TMEM135: variants seen among roughly 807,000 people sequenced by gnomAD.
TMEM135 encodes the protein transmembrane protein 135.
Under a neutral mutation model 60.3 loss-of-function variants are expected in TMEM135, and 30 were observed. The ratio of observed to expected loss-of-function variants is 0.50; its 90% confidence interval spans 0.37 to 0.68. The LOEUF is 0.68. Among genes scored for constraint, TMEM135 ranks in the 30% least tolerant of loss-of-function variants. TMEM135 has a pLI of 0.00. For missense variants in TMEM135, 468 were observed against 548.8 expected, an observed-to-expected ratio of 0.85 and a Z score of 1.47; for synonymous variants, 190 against 186.7, an observed-to-expected ratio of 1.02 and a Z score of -0.14.
rs138664310 is a variant in TMEM135 at position 87,098,197 on chromosome 11, AAAT to A, written c.396+6808_396+6810del. ...TTGGCGATGACCTTGAGCAGTAGGA[AAAT>A]AATAACTCCTGTAAGCTTAGCGTTC... On this transcript the variant is annotated intron_variant, in intron 4 of 14. Coordinates refer to ENST00000305494, the MANE Select transcript of TMEM135 (RefSeq NM_022918.4). 8.1e-3 allele frequency among the ~76,000 whole-genome samples: 1,239 copies of A among 152,194 alleles called. 20 individuals carry two copies. Among genetic ancestry groups the A allele is most frequent in the African/African-American group, 0.029 (1,187 of 41,510 alleles).
At chr11:87,212,587 C>T (rs569441845) in intron 5 of TMEM135, among the ~76,000 whole-genome samples, 12 of 151,870 alleles carry the variant, frequency 7.9e-5, no homozygotes, top group African/African-American at 1.2e-4. Flanking sequence ...TTTGGGAGGC[C>T]GAGGTGGGTG....
chr11:87,281,326 A>G (rs1460518669), intron 6 of TMEM135, among the ~76,000 whole-genome samples: 1 of 152,194 alleles, frequency 6.6e-6, no homozygotes, highest in Non-Finnish European at 1.5e-5. Context: ...CTTTCAACAT[A>G]TATTTCTTGA....
rs1942854306 is a variant in TMEM135, at chr11:87,323,107, T to C, written c.*1774T>C. On this transcript the variant is annotated 3_prime_UTR_variant, in exon 15 of 15. Coordinates refer to ENST00000305494, the MANE Select transcript of TMEM135 (RefSeq NM_022918.4). ...AAAAGATGTTTTAATTCATAAATTATTGTTTTCATTGACATTAAAAGACTG... is the reference window on the plus strand; with the variant it reads ...AAAAGATGTTTTAATTCATAAATTACTGTTTTCATTGACATTAAAAGACTG... The C allele has an allele frequency of 2.2e-6, 1 of 453,614 alleles. No individual in the cohort carries two copies. Among genetic ancestry groups the C allele is most frequent in the Non-Finnish European group, 4.4e-6 (1 of 226,624 alleles). The allele number at this position is 453,614 out of a possible 1,614,324, so 28.1% of individuals were successfully genotyped here.
At chr11:87,203,128 A>G (rs1940157831) in intron 5 of TMEM135, among the ~76,000 whole-genome samples, 1 of 151,606 alleles carries the variant, frequency 6.6e-6, no homozygotes. Context: ...CCCCACACAC[A>G]TTCATACCCT....
At chr11:87,126,778 G>A (rs1937746456) in intron 4 of TMEM135, among the ~76,000 whole-genome samples, 11 of 152,034 alleles carry the variant, frequency 7.2e-5, no homozygotes, top group Admixed American at 6.6e-4. Context: ...TTTAATGAAG[G>A]CTGGTTTTAA....
chr11:87,307,699 T>TG (rs1259325356), intron 9 of TMEM135, among the ~76,000 whole-genome samples: 7 of 152,226 alleles, frequency 4.6e-5, no homozygotes, highest in African/African-American at 1.7e-4. Flanking sequence ...GTAAAACTAT[T>TG]GGAGACCTGT....
chr11:87,308,778 T>C (rs1565166338), intron 9 of TMEM135, among the ~76,000 whole-genome samples: 1 of 152,328 alleles, frequency 6.6e-6, no homozygotes, highest in East Asian at 1.9e-4. Flanking sequence ...GAAATGAAAT[T>C]GACCAGTAAT....
chr11:87,245,235 T>A (rs2135383746), intron 6 of TMEM135, among the ~76,000 whole-genome samples: 1 of 151,726 alleles, frequency 6.6e-6, no homozygotes, highest in South Asian at 2.1e-4. Flanking sequence ...ATAATTTCTG[T>A]TCTTTTACAT....
At chr11:87,064,486 A>G (rs1047338812) in intron 1 of TMEM135, among the ~76,000 whole-genome samples, 6 of 152,084 alleles carry the variant, frequency 3.9e-5, no homozygotes, top group African/African-American at 9.7e-5. Flanking sequence ...AGGATCCCTA[A>G]TGTTGCCTTT....
At chr11:87,121,931 C>T (rs551620736) in intron 4 of TMEM135, among the ~76,000 whole-genome samples, 36 of 152,244 alleles carry the variant, frequency 2.4e-4, no homozygotes, top group African/African-American at 7.7e-4. Flanking sequence ...TAAGCCACTG[C>T]GCCTGGCCTG....
At chr11:87,284,734 G>T (rs1327981969) in intron 6 of TMEM135, among the ~76,000 whole-genome samples, 1 of 152,178 alleles carries the variant, frequency 6.6e-6, no homozygotes, top group African/African-American at 2.4e-5. Context: ...AGTTATTGAA[G>T]ATATAATGTG....
At chr11:87,216,517 A>G (rs1419479816) in intron 5 of TMEM135, among the ~76,000 whole-genome samples, 1 of 152,170 alleles carries the variant, frequency 6.6e-6, no homozygotes, top group African/African-American at 2.4e-5. Flanking sequence ...ACAGTATGAG[A>G]GGCAAATCAG....
At chr11:87,247,263 C>A (rs1941302269) in intron 6 of TMEM135, among the ~76,000 whole-genome samples, 1 of 152,210 alleles carries the variant, frequency 6.6e-6, no homozygotes, top group Non-Finnish European at 1.5e-5. Context: ...TCTGCCCCTA[C>A]TGGGGGATGT....
intron 6 of TMEM135, among the ~76,000 whole-genome samples, chr11:87,243,174 G>A (rs10792922): frequency 0.049 from 2,279 of 46,576 alleles, 33 homozygotes; most frequent in Non-Finnish European, 0.057. Context: ...GATATGCGGC[G>A]TTATTTCTGA....
At chr11:87,089,862 G>A (rs1174027228) in intron 3 of TMEM135, among the ~76,000 whole-genome samples, 1 of 151,926 alleles carries the variant, frequency 6.6e-6, no homozygotes, top group African/African-American at 2.4e-5. Context: ...AAAAATCATA[G>A]AAAAAAGGAC....
At chr11:87,075,073 C>T (rs1210520974) in intron 3 of TMEM135, among the ~76,000 whole-genome samples, 5 of 152,114 alleles carry the variant, frequency 3.3e-5, no homozygotes, top group Admixed American at 6.6e-5. Flanking sequence ...ACCCTCCCAC[C>T]GCCTCCCCAA....
intron 5 of TMEM135, among the ~76,000 whole-genome samples, chr11:87,166,989 T>G (rs1939070084): frequency 6.6e-6 from 1 of 152,178 alleles, no homozygotes; most frequent in Non-Finnish European, 1.5e-5. Context: ...CCTTGAGCAG[T>G]GGTTTCTGGA....
chr11:87,167,963 A>G (rs1484583407), intron 5 of TMEM135, among the ~76,000 whole-genome samples: 3 of 152,112 alleles, frequency 2.0e-5, no homozygotes, highest in African/African-American at 7.2e-5. Context: ...GTGGCAGGCT[A>G]TTAATTACTG....
At chr11:87,256,136 GTTATAAAC>G (rs1941524075) in intron 6 of TMEM135, among the ~76,000 whole-genome samples, 1 of 152,002 alleles carries the variant, frequency 6.6e-6, no homozygotes, top group Non-Finnish European at 1.5e-5. Flanking sequence ...AGGTTTTGAA[GTTATAAAC>G]TTATTTGAAT....
Sources: gnomAD v4.1 joint callset for allele counts (sites outside exome capture counted in the v4.1 genomes callset) on GRCh38, gnomAD v4.1.1 for gene constraint, MANE v1.5 for transcripts, NCBI Gene and HGNC (gene_info 2026-07-23, HGNC 2026-07-21) for gene names.